Variants in RXFP2 observed in about 807,000 individuals in gnomAD.
The protein encoded by RXFP2 is relaxin family peptide receptor 2, also known as relaxin receptor 2.
RXFP2 carries 68 observed loss-of-function variants against 88.6 expected under a neutral mutation model. The ratio of observed to expected loss-of-function variants is 0.77; its 90% CI spans 0.63 to 0.94. The LOEUF is 0.94. RXFP2 is among the 40% of genes least tolerant of loss of function. The pLI is 0.00. For synonymous variants in RXFP2, 329 were observed against 306.8 expected (o/e 1.07, Z -0.76); for missense variants, 791 against 893.9 (o/e 0.88, Z 1.47).
intron 13 of RXFP2, among the ~76,000 whole-genome samples, chr13:31,788,162 CT>C (rs1301970293): frequency 6.7e-6 from 1 of 148,756 alleles, no homozygotes; most frequent in African/African-American, 2.5e-5. Flanking sequence ...GAAAATTAAA[CT>C]TTTAGAAAGG....
At chr13:31,790,364 C>T (rs143018365) in intron 14 of RXFP2, among the ~76,000 whole-genome samples, 1 of 152,130 alleles carries the variant, frequency 6.6e-6, no homozygotes, top group East Asian at 1.9e-4. Context: ...CATGTGTGTG[C>T]CAGGGACTCC....
intron 11 of RXFP2, among the ~76,000 whole-genome samples, chr13:31,783,771 A>G (rs948398434): frequency 1.3e-5 from 2 of 151,380 alleles, no homozygotes; most frequent in Non-Finnish European, 2.9e-5. Context: ...GGGTGGAGGA[A>G]TAACCCAGGA....
intron 5 of RXFP2, among the ~76,000 whole-genome samples, chr13:31,774,116 A>G (rs1872834484): frequency 6.6e-6 from 1 of 152,210 alleles, no homozygotes; most frequent in Non-Finnish European, 1.5e-5. Flanking sequence ...GTCCTTTGAT[A>G]TCCTGAGTAC....
rs761038410 is a variant in RXFP2, at chr13:31,789,116, T to A, written c.1074-6T>A. 6.3e-7 allele frequency: 1 copy of A among 1,590,314 alleles called. No individual in the cohort carries two copies. Among genetic ancestry groups the A allele is most frequent in the African/African-American group, 1.3e-5 (1 of 74,446 alleles). ...CACCATTAAACCTATCGTGTGTATTTTCCAGAGACCTGGAAAGGATAGAGA... is the reference window on the plus strand; with the variant it reads ...CACCATTAAACCTATCGTGTGTATTATCCAGAGACCTGGAAAGGATAGAGA... On this transcript the variant is annotated splice_polypyrimidine_tract_variant and splice_region_variant and intron_variant, in intron 13 of 17. Transcript: ENST00000298386.
intron 13 of RXFP2, 85 bp downstream of exon 13, chr13:31,786,722 C>A: frequency 1.2e-6 from 1 of 833,934 alleles, no homozygotes; most frequent in Non-Finnish European, 2.0e-6. Flanking sequence ...GTATTTTGCA[C>A]ACAGGAGCAT....
intron 17 of RXFP2, among the ~76,000 whole-genome samples, chr13:31,800,038 A>G (rs112451808): frequency 2.0e-5 from 3 of 152,332 alleles, no homozygotes; most frequent in African/African-American, 7.2e-5. Flanking sequence ...CTTTACATGT[A>G]TAGTTCAATA....
chr13:31,766,038 G>A lies in RXFP2; in HGVS notation c.497+11G>A, dbSNP rs149877356. ...AAAACTTAAAAAGATGTAAGTAGCCGTTAATAGCATATTTATTTAAAAAAA... is the reference window on the plus strand; with the variant it reads ...AAAACTTAAAAAGATGTAAGTAGCCATTAATAGCATATTTATTTAAAAAAA... On this transcript the variant is annotated intron_variant, in intron 5 of 17. Transcript: ENST00000298386. 601 of 1,277,056 alleles carry A rather than the reference G, an allele frequency of 4.7e-4. 4 individuals carry two copies. In the East Asian group the frequency reaches 0.014, roughly 29 times the overall value. The allele number at this position is 1,277,056 out of a possible 1,614,324, so 79.1% of individuals were successfully genotyped here.
chr13:31,776,848 T>C (rs1321654389), intron 7 of RXFP2, among the ~76,000 whole-genome samples: 2 of 152,164 alleles, frequency 1.3e-5, no homozygotes, highest in African/African-American at 4.8e-5. Context: ...AAACAGTGGT[T>C]TGAATATGCA....
chr13:31,755,395 G>T (rs1871895602), intron 1 of RXFP2, among the ~76,000 whole-genome samples: 1 of 152,038 alleles, frequency 6.6e-6, no homozygotes, highest in African/African-American at 2.4e-5. Flanking sequence ...GTGTGGGTGT[G>T]GGCATGAGTG....
chr13:31,774,763 C>T, intron 6 of RXFP2, 72 bp downstream of exon 6: 1 of 843,150 alleles, frequency 1.2e-6, no homozygotes, highest in Non-Finnish European at 2.1e-6. Flanking sequence ...GGTACTTTTT[C>T]AAGGCTCGAC....
chr13:31,789,692 G>T (rs1356231242), intron 14 of RXFP2, among the ~76,000 whole-genome samples: 1 of 152,192 alleles, frequency 6.6e-6, no homozygotes, highest in Non-Finnish European at 1.5e-5. Flanking sequence ...CACTGTGTAA[G>T]TTGTGTTAAT....
chr13:31,770,905 C>T (rs549457840), intron 5 of RXFP2, among the ~76,000 whole-genome samples: 1 of 152,242 alleles, frequency 6.6e-6, no homozygotes, highest in East Asian at 1.9e-4. Flanking sequence ...GCTGAATGAA[C>T]GATGGGTAGC....
chr13:31,780,407 C>G (rs1163324622), intron 9 of RXFP2, among the ~76,000 whole-genome samples: 1 of 152,164 alleles, frequency 6.6e-6, no homozygotes, highest in East Asian at 1.9e-4. Context: ...AACATTTTTT[C>G]CATTCCATTT....
At chr13:31,767,908 G>A (rs773310284) in intron 5 of RXFP2, among the ~76,000 whole-genome samples, 1 of 152,076 alleles carries the variant, frequency 6.6e-6, no homozygotes, top group Non-Finnish European at 1.5e-5. Flanking sequence ...CTGGGGAGGG[G>A]GCGGAGTCAC....
At chr13:31,768,622 A>C (rs1219043873) in intron 5 of RXFP2, among the ~76,000 whole-genome samples, 1 of 152,190 alleles carries the variant, frequency 6.6e-6, no homozygotes, top group Non-Finnish European at 1.5e-5. Context: ...GTCCAGGCTC[A>C]GAATATGTTA....
At chr13:31,794,502 C>A (rs1873938948) in intron 16 of RXFP2, among the ~76,000 whole-genome samples, 1 of 151,900 alleles carries the variant, frequency 6.6e-6, no homozygotes, top group Non-Finnish European at 1.5e-5. Context: ...ACAACAGATC[C>A]AGCCTCAAAG....
chr13:31,782,963 T>C (rs1873356814), intron 11 of RXFP2, among the ~76,000 whole-genome samples: 1 of 152,218 alleles, frequency 6.6e-6, no homozygotes, highest in Non-Finnish European at 1.5e-5. Context: ...CTAGTTTCTC[T>C]ACTTGTTTTC....
At position 31,760,618 on chromosome 13, in the gene RXFP2, C is replaced by A. The variant is rs145922188; in HGVS notation, c.242-1106C>A. ...TTTACCCCATGAGGATTTCTGAACC[C>A]AAATTAAATAATGCAAGTGAGGGAG... On this transcript the variant is annotated intron_variant, in intron 2 of 17. Transcript: ENST00000298386. Among the ~76,000 whole-genome samples, 908 of 152,166 alleles carry A rather than the reference C, an allele frequency of 6.0e-3. 11 individuals are homozygous for A. The highest frequency in any genetic ancestry group is 0.021 in the African/African-American group (871 of 41,504).
chr13:31,785,752 C>A (rs1873506444), intron 11 of RXFP2, among the ~76,000 whole-genome samples: 1 of 152,008 alleles, frequency 6.6e-6, no homozygotes, highest in African/African-American at 2.4e-5. Flanking sequence ...CTTAAAGATT[C>A]ATTTCTTCTG....
Sources: gnomAD v4.1 joint callset for allele counts (sites outside exome capture counted in the v4.1 genomes callset) on GRCh38, gnomAD v4.1.1 for gene constraint, MANE v1.5 for transcripts, NCBI Gene and HGNC (gene_info 2026-07-23, HGNC 2026-07-21) for gene names.